NCKAP5: variants seen among roughly 807,000 people sequenced by gnomAD.
NCKAP5 encodes NCK associated protein 5.
In NCKAP5, 92 loss-of-function variants were observed where a neutral mutation model predicts 167.0. The ratio of observed to expected loss-of-function variants is 0.55; its 90% confidence interval spans 0.47 to 0.66. The LOEUF is 0.66. Among genes scored for constraint, NCKAP5 ranks in the 30% least tolerant of loss-of-function variants. The probability of loss-of-function intolerance (pLI) is 0.00; values close to 1 mark genes in which losing one functional copy is unlikely to be tolerated. For synonymous variants in NCKAP5, 891 were observed against 877.4 expected, an observed-to-expected ratio of 1.02 and a Z score of -0.27; for missense variants, 2,378 against 2,315.0, an observed-to-expected ratio of 1.03 and a Z score of -0.56.
intron 16 of NCKAP5, among the ~76,000 whole-genome samples, chr2:132,743,328 A>G (rs1679365219): frequency 6.6e-6 from 1 of 151,898 alleles, no homozygotes; most frequent in South Asian, 2.1e-4. Flanking sequence ...AGAATGGAGA[A>G]CACTAGAAAT....
At chr2:132,703,477 G>A (rs974186042) in intron 19 of NCKAP5, among the ~76,000 whole-genome samples, 3 of 152,086 alleles carry the variant, frequency 2.0e-5, no homozygotes, top group Admixed American at 1.3e-4. Flanking sequence ...GAATGACACC[G>A]GCTGATTCCA....
intron 8 of NCKAP5, among the ~76,000 whole-genome samples, chr2:132,962,250 A>T (rs1330457218): frequency 1.3e-5 from 2 of 152,212 alleles, no homozygotes; most frequent in East Asian, 3.9e-4. Flanking sequence ...AATGAAAGAG[A>T]CTATGCACCA....
At chr2:133,185,421 T>A (rs921697484) in intron 5 of NCKAP5, among the ~76,000 whole-genome samples, 5 of 152,046 alleles carry the variant, frequency 3.3e-5, no homozygotes, top group Non-Finnish European at 7.4e-5. Flanking sequence ...CTTCTTTTGC[T>A]CCAGAATTCT....
Position 132,782,379 on chromosome 2 carries a change from A to G in NCKAP5, c.4432T>C (p.Leu1478=). Reference sequence around the variant, plus strand: ...TTTTCCACATTTTCCTGAATGCACAACATGACCTTTTCTTCGATTGTGGGT... The same window carrying G: ...TTTTCCACATTTTCCTGAATGCACAGCATGACCTTTTCTTCGATTGTGGGT... ...LSPTIEEKVM[L]CIQENVEKGQ... The change falls in exon 14 of 20, where the codon TTG becomes CTG. Residue 1478 remains leucine, a synonymous_variant. Coordinates refer to ENST00000409261, the MANE Select transcript of NCKAP5 (RefSeq NM_207363.3). 1.2e-6 allele frequency: 2 copies of G among 1,614,050 alleles called. No individual in the cohort carries two copies. Among genetic ancestry groups the G allele is most frequent in the South Asian group, 1.1e-5 (1 of 91,084 alleles).
chr2:133,442,692 T>C (rs371260674), intron 3 of NCKAP5, among the ~76,000 whole-genome samples: 10 of 152,310 alleles, frequency 6.6e-5, no homozygotes, highest in South Asian at 2.1e-4. Flanking sequence ...GGGCTGCCAA[T>C]GGTGTTTGTT....
intron 8 of NCKAP5, among the ~76,000 whole-genome samples, chr2:132,952,226 T>C (rs529014660): frequency 3.8e-4 from 58 of 152,328 alleles, no homozygotes; most frequent in Non-Finnish European, 6.8e-4. Context: ...ATAGTTCATT[T>C]TTCTTCTTTG....
At chr2:133,183,191 A>G (rs1468409363) in intron 5 of NCKAP5, among the ~76,000 whole-genome samples, 1 of 133,394 alleles carries the variant, frequency 7.5e-6, no homozygotes, top group Admixed American at 7.3e-5. Flanking sequence ...ATGCTTAAAG[A>G]AGAATTAACA....
intron 3 of NCKAP5, among the ~76,000 whole-genome samples, chr2:133,352,392 A>G (rs1684423656): frequency 6.6e-6 from 1 of 152,240 alleles, no homozygotes; most frequent in African/African-American, 2.4e-5. Context: ...TGAATACACA[A>G]AAGAATAAAT....
intron 8 of NCKAP5, among the ~76,000 whole-genome samples, chr2:132,923,441 T>C (rs1044442951): frequency 2.6e-5 from 4 of 152,194 alleles, no homozygotes; most frequent in African/African-American, 9.6e-5. Context: ...GGGTCACAAA[T>C]AGGGCAAATC....
the NCKAP5 span, among the ~76,000 whole-genome samples, chr2:133,586,358 C>T: frequency 3.3e-5 from 5 of 152,102 alleles, no homozygotes; most frequent in Admixed American, 3.3e-4. Flanking sequence ...CCTGAAGCCC[C>T]CTGTACTTGA....
At chr2:132,840,701 C>T (rs1558844042) in intron 11 of NCKAP5, among the ~76,000 whole-genome samples, 1 of 152,144 alleles carries the variant, frequency 6.6e-6, no homozygotes. Context: ...AATACTGCAT[C>T]TTTACACTTG....
rs189461078 is a variant in NCKAP5 at position 133,392,675 on chromosome 2, C to A, written c.70-89565G>T. 5.9e-5 allele frequency among the ~76,000 whole-genome samples: 9 copies of A among 152,258 alleles called. No homozygotes were observed. In the East Asian group the frequency reaches 1.7e-3, roughly 29 times the overall value. ...ATAAATGGAGACATAGGTTCCTCCCCTTAATAAGCTTAAAATTGAATAAAT... is the reference window on the plus strand; with the variant it reads ...ATAAATGGAGACATAGGTTCCTCCCATTAATAAGCTTAAAATTGAATAAAT... On this transcript the variant is annotated intron_variant, in intron 3 of 19. Coordinates refer to ENST00000409261, the MANE Select transcript of NCKAP5 (RefSeq NM_207363.3).
rs1365148512 is a variant in NCKAP5, at chr2:133,293,583, C to T, written c.143+9454G>A. ...CAGGGGCTTCATGGTTATAAGAAGC[C>T]TGAACACTCCCTTGCTTCTCTAAAG... is the stretch of plus-strand genomic sequence containing the variant. On this transcript the variant is annotated intron_variant, in intron 4 of 19. Transcript: ENST00000409261. 2.0e-5 allele frequency among the ~76,000 whole-genome samples: 3 copies of T among 152,168 alleles called. No individual in the cohort carries two copies. In the South Asian group the frequency reaches 6.2e-4, roughly 32 times the overall value.
At chr2:133,449,750 G>A (rs905060187) in intron 3 of NCKAP5, among the ~76,000 whole-genome samples, 3 of 151,628 alleles carry the variant, frequency 2.0e-5, no homozygotes, top group African/African-American at 7.3e-5. Flanking sequence ...CTTATGTGCT[G>A]TATCGATTTG....
chr2:132,765,833 G>C (rs1468364194), intron 16 of NCKAP5, among the ~76,000 whole-genome samples: 1 of 152,128 alleles, frequency 6.6e-6, no homozygotes, highest in Non-Finnish European at 1.5e-5. Context: ...CTGGCCAATG[G>C]GATGTTAGCA....
chr2:132,855,529 C>T (rs574436922), intron 11 of NCKAP5, among the ~76,000 whole-genome samples: 2 of 152,340 alleles, frequency 1.3e-5, no homozygotes, highest in East Asian at 3.9e-4. Context: ...ATTCCAGAAA[C>T]TCATAAGGTG....
intron 3 of NCKAP5, among the ~76,000 whole-genome samples, chr2:133,309,144 A>G (rs1681050019): frequency 6.6e-6 from 1 of 152,212 alleles, no homozygotes; most frequent in South Asian, 2.1e-4. Flanking sequence ...GAAAGATTAA[A>G]AGTAATATCC....
intron 6 of NCKAP5, among the ~76,000 whole-genome samples, chr2:133,055,651 T>TCA (rs1238076155): frequency 6.6e-6 from 1 of 152,122 alleles, no homozygotes; most frequent in African/African-American, 2.4e-5. Context: ...AGCTCTGAAA[T>TCA]GCACACACAG....
the NCKAP5 span, among the ~76,000 whole-genome samples, chr2:133,662,790 T>C: frequency 3.3e-5 from 5 of 151,388 alleles, no homozygotes; most frequent in Admixed American, 6.6e-5. Flanking sequence ...CATGGAGATA[T>C]TGCAGGTTGG....
Sources: allele counts gnomAD v4.1 joint callset (sites outside exome capture counted in the v4.1 genomes callset), GRCh38; gene constraint gnomAD v4.1.1; transcripts MANE v1.5; gene names NCBI Gene and HGNC (gene_info 2026-07-23, HGNC 2026-07-21).